Variants in BSDC1 observed in about 807,000 individuals in gnomAD.
BSDC1 encodes BSD domain containing 1, also known as BSD domain-containing protein 1.
In BSDC1, 29 loss-of-function variants were observed where a neutral mutation model predicts 56.0. That is an observed-to-expected ratio of 0.52 (90% CI 0.39 to 0.71). The LOEUF (loss-of-function observed/expected upper bound fraction) is 0.71. Ranked by LOEUF, BSDC1 falls within the 30% of genes least tolerant of loss-of-function variation. BSDC1 has a pLI of 0.00. For missense variants in BSDC1, 477 were observed against 548.5 expected, an observed-to-expected ratio of 0.87 and a Z score of 1.30; for synonymous variants, 210 against 215.3, an observed-to-expected ratio of 0.98 and a Z score of 0.21.
intron 2 of BSDC1, among the ~76,000 whole-genome samples, chr1:32,391,187 G>A (rs1027966558): frequency 4.6e-5 from 7 of 152,136 alleles, no homozygotes; most frequent in Admixed American, 2.6e-4. Flanking sequence ...GATCACTAGC[G>A]TCAAATGCAG....
At position 32,394,019 on chromosome 1, in the gene BSDC1, C is replaced by T. The variant is rs1642960134; in HGVS notation, c.72+61G>A. Reference sequence around the variant, plus strand: ...AAAAGTTGGGCGGGGCTGGTTGGACCAGGTTGCATTGAGGCGGCGCAGGGC... The same window carrying T: ...AAAAGTTGGGCGGGGCTGGTTGGACTAGGTTGCATTGAGGCGGCGCAGGGC... On this transcript the variant is annotated intron_variant, in intron 2 of 10. Transcript: ENST00000455895. 3 of 1,548,230 alleles carry T rather than the reference C, an allele frequency of 1.9e-6. No individual in the cohort carries two copies. In the African/African-American group the frequency reaches 4.1e-5, roughly 21 times the overall value.
At chr1:32,385,427 A>T (rs1642629782) in intron 3 of BSDC1, among the ~76,000 whole-genome samples, 1 of 152,202 alleles carries the variant, frequency 6.6e-6, no homozygotes, top group Admixed American at 6.5e-5. Context: ...TGAATCTAAA[A>T]TTAGAAAACA....
At position 32,365,266 on chromosome 1, in the gene BSDC1, G is replaced by T. The variant is rs1641803973; in HGVS notation, c.*1356C>A. The stretch of plus-strand genomic sequence containing the variant: ...TTTCCCAGCTACAAAATACTCTGGG[G>T]AGATGCATTATAATTTAAAATATAT... On this transcript the variant is annotated 3_prime_UTR_variant, in exon 11 of 11. Coordinates refer to ENST00000455895, the MANE Select transcript of BSDC1 (RefSeq NM_018045.8). 1 of 151,802 alleles carries T rather than the reference G, an allele frequency of 6.6e-6. No individual in the cohort carries two copies. The highest frequency in any genetic ancestry group is 2.4e-5 in the African/African-American group (1 of 41,256). 9.4% of individuals were successfully genotyped at this position (151,802 alleles called of 1,614,324 possible).
intron 3 of BSDC1, among the ~76,000 whole-genome samples, chr1:32,384,468 A>G (rs1490781446): frequency 6.6e-6 from 1 of 152,196 alleles, no homozygotes; most frequent in Admixed American, 6.5e-5. Context: ...TTAAGTATAC[A>G]TCCTTCATAG....
intron 9 of BSDC1, chr1:32,369,285 A>G: frequency 7.8e-7 from 1 of 1,289,760 alleles, no homozygotes; most frequent in South Asian, 1.2e-5. Context: ...AGAGGCTCCA[A>G]GAGAGTCACA....
Position 32,381,203 on chromosome 1 carries a change from T to G in BSDC1, c.412+11A>C, listed in dbSNP as rs770046805. The G allele has an allele frequency of 1.2e-6, 2 of 1,613,562 alleles. No homozygotes were observed. Among genetic ancestry groups the G allele is most frequent in the Admixed American group, 3.3e-5 (2 of 59,958 alleles). ...CCCTACAAGCCCACCCGCTCAGTGC[T>G]ACCCTCTCACCATCTGGTTCATTAC... is the stretch of plus-strand genomic sequence containing the variant. On this transcript the variant is annotated intron_variant, in intron 5 of 10. Coordinates refer to ENST00000455895, the MANE Select transcript of BSDC1 (RefSeq NM_018045.8).
rs1642578545 is a variant in BSDC1 at position 32,384,004 on chromosome 1, A to G, written c.190-7T>C. The G allele has an allele frequency of 6.2e-7, 1 of 1,613,016 alleles. No homozygotes were observed. The highest frequency in any genetic ancestry group is 8.5e-7 in the Non-Finnish European group (1 of 1,180,044). ...CTCCTGAGGAGCCTTCCGTCTGTAT[A>G]GAGAACGGGCAGAGGAAGCAAGCGC... On this transcript the variant is annotated splice_polypyrimidine_tract_variant and splice_region_variant and intron_variant, in intron 3 of 10. Coordinates refer to ENST00000455895, the MANE Select transcript of BSDC1 (RefSeq NM_018045.8).
At chr1:32,377,495 G>A (rs1570127411) in intron 8 of BSDC1, among the ~76,000 whole-genome samples, 2 of 152,240 alleles carry the variant, frequency 1.3e-5, no homozygotes, top group East Asian at 1.9e-4. Context: ...CAAGAAATGC[G>A]TTAATATTAT....
intron 9 of BSDC1, among the ~76,000 whole-genome samples, chr1:32,371,249 T>G (rs566244284): frequency 2.7e-4 from 41 of 151,800 alleles, no homozygotes; most frequent in African/African-American, 9.9e-4. Flanking sequence ...GATGAGTTCA[T>G]GAGGTGATTT....
intron 2 of BSDC1, among the ~76,000 whole-genome samples, chr1:32,393,271 A>G (rs997775829): frequency 6.6e-6 from 1 of 152,232 alleles, no homozygotes; most frequent in Non-Finnish European, 1.5e-5. Context: ...GGCACAGCCA[A>G]ATATCACTCA....
chr1:32,380,317 T>A (rs758426319), intron 5 of BSDC1, among the ~76,000 whole-genome samples: 1 of 152,208 alleles, frequency 6.6e-6, no homozygotes, highest in Non-Finnish European at 1.5e-5. Flanking sequence ...CGACTTCTCA[T>A]AGTGAAACTA....
intron 9 of BSDC1, among the ~76,000 whole-genome samples, chr1:32,372,788 T>C (rs1642140787): frequency 1.3e-5 from 2 of 152,236 alleles, no homozygotes; most frequent in Admixed American, 6.5e-5. Context: ...TCACAGCTCA[T>C]TTTATTCTGT....
intron 9 of BSDC1, 140 bp from the exon 10 acceptor site, chr1:32,368,690 A>G: frequency 8.0e-7 from 1 of 1,248,740 alleles, no homozygotes; most frequent in Non-Finnish European, 1.1e-6. Context: ...ACTCTGGCGC[A>G]CCAATCGTAC....
At chr1:32,369,116 C>T in intron 9 of BSDC1, 4 of 435,448 alleles carry the variant, frequency 9.2e-6, no homozygotes, top group South Asian at 8.4e-5. Flanking sequence ...TGAAAGCCCA[C>T]TGACAGGGAA....
chr1:32,383,046 C>T (rs1206313298), intron 4 of BSDC1, among the ~76,000 whole-genome samples: 2 of 151,978 alleles, frequency 1.3e-5, no homozygotes, highest in Non-Finnish European at 2.9e-5. Flanking sequence ...CTCTCCACAG[C>T]GTTCCTTATT....
At chr1:32,366,736 G>A in intron 10 of BSDC1, 82 bp from the exon 11 acceptor site, 1 of 1,442,668 alleles carries the variant, frequency 6.9e-7, no homozygotes, top group Non-Finnish European at 9.1e-7. Context: ...CACTTGCTGA[G>A]CAGAGCCACC....
chr1:32,383,636 C>T (rs1373638038), intron 4 of BSDC1, among the ~76,000 whole-genome samples, 194 bp downstream of exon 4: 2 of 152,246 alleles, frequency 1.3e-5, no homozygotes, highest in Middle Eastern at 3.4e-3. Context: ...CAGGGGTTCT[C>T]TTTGGGTGAT....
At chr1:32,386,692 TA>T in intron 3 of BSDC1, 86 bp downstream of exon 3, 2 of 871,498 alleles carry the variant, frequency 2.3e-6, no homozygotes, top group Non-Finnish European at 3.4e-6. Flanking sequence ...TATGGAAAAA[TA>T]ATCACTTAAT....
chr1:32,368,397 C>T (rs1641932072), intron 10 of BSDC1, 50 bp downstream of exon 10: 3 of 1,614,186 alleles, frequency 1.9e-6, no homozygotes, highest in Non-Finnish European at 1.7e-6. Context: ...AGAGCTCTCA[C>T]ACCCAGGACC....
Sources: gnomAD v4.1 joint callset for allele counts (sites outside exome capture counted in the v4.1 genomes callset) on GRCh38, gnomAD v4.1.1 for gene constraint, MANE v1.5 for transcripts, NCBI Gene and HGNC (gene_info 2026-07-23, HGNC 2026-07-21) for gene names.